SLC19A1: variants seen among roughly 807,000 people sequenced by gnomAD.
SLC19A1 encodes the protein solute carrier family 19 member 1, also known as reduced folate transporter.
Under a neutral mutation model 35.3 loss-of-function variants are expected in SLC19A1, and 37 were observed. The ratio of observed to expected loss-of-function variants is 1.05; its 90% CI spans 0.81 to 1.38. The LOEUF is 1.38. SLC19A1 is among the 40% of genes most tolerant of loss of function. The pLI, the probability that SLC19A1 is intolerant of heterozygous loss-of-function variation, is 0.00. For missense variants in SLC19A1, 831 were observed against 826.9 expected (o/e 1.00, Z -0.06); for synonymous variants, 460 against 398.5 (o/e 1.15, Z -1.84).
chr21:45,511,068 A>AC, downstream of SLC19A1: 1 of 768,286 alleles, frequency 1.3e-6, no homozygotes, highest in Non-Finnish European at 2.0e-6. Context: ...ACCCATCCAC[A>AC]CCCCCACACA....
intron 5 of SLC19A1, among the ~76,000 whole-genome samples, chr21:45,516,456 GC>G (rs1033926830): frequency 1.3e-5 from 2 of 152,250 alleles, no homozygotes; most frequent in South Asian, 4.1e-4. Context: ...GGTGCTTGCT[GC>G]CCCCCCATGG....
chr21:45,505,007 G>A, intron 3 of SLC19A1: 2 of 1,217,486 alleles, frequency 1.6e-6, no homozygotes, highest in Non-Finnish European at 2.3e-6. Context: ...GCGTGGGCAG[G>A]GAGGGGACCG....
At chr21:45,503,048 T>C (rs2036948002) in intron 3 of SLC19A1, 1 of 152,198 alleles carries the variant, frequency 6.6e-6, no homozygotes, top group Non-Finnish European at 1.5e-5. Context: ...CATGTGTCTT[T>C]ATAGCAGCAT....
chr21:45,553,719 CCCTCCCAATCCCCCACA>C (rs2078495702), intron 1 of SLC19A1, among the ~76,000 whole-genome samples: 1 of 10,478 alleles, frequency 9.5e-5, no homozygotes, highest in Non-Finnish European at 1.4e-4. Flanking sequence ...CCCCCACACC[CCCTCCCAATCCCCCACA>C]CCCCCTCCCA....
In SLC19A1 at chr21:45,515,769, G is replaced by T. The variant is rs1289307845; in HGVS notation, c.1665C>A (p.Gly555=). The T allele has an allele frequency of 1.2e-6, 2 of 1,613,618 alleles. No homozygotes were observed. Among genetic ancestry groups the T allele is most frequent in the Admixed American group, 3.3e-5 (2 of 59,998 alleles). ...GACAAGTCTCATCTGCAGCCTCAGG[G>T]CCTGAGGCTTGGGCGGAGCACAGAG... The part of the protein sequence containing the change: ...PCTLCSAQAS[G]PEAADETCPQ... Residue 555 remains glycine, a synonymous_variant, in exon 6 of 6, where the codon GGC becomes GGA. Coordinates refer to ENST00000311124, the MANE Select transcript of SLC19A1 (RefSeq NM_194255.4).
At chr21:45,538,795 C>G (rs1458124353) in intron 1 of SLC19A1, among the ~76,000 whole-genome samples, 1 of 152,186 alleles carries the variant, frequency 6.6e-6, no homozygotes, top group African/African-American at 2.4e-5. Context: ...CATGAGTGGA[C>G]CTGACACGTT....
At position 45,537,789 on chromosome 21, in the gene SLC19A1, C is replaced by T. The variant is rs765827796; in HGVS notation, c.171G>A (p.Lys57=). The T allele has an allele frequency of 6.9e-7, 1 of 1,458,952 alleles. No homozygotes were observed. Among genetic ancestry groups the T allele is most frequent in the Non-Finnish European group, 9.2e-7 (1 of 1,091,466 alleles). The allele number at this position is 1,458,952 out of a possible 1,614,324, so 90.4% of individuals were successfully genotyped here. Residue 57 remains lysine, a synonymous_variant, in exon 2 of 6, where the codon AAG becomes AAA. Coordinates refer to ENST00000311124, the MANE Select transcript of SLC19A1 (RefSeq NM_194255.4). ...CACATGCCTGCTCCCGCGTGAAGTT[C>T]TTGTCGGGCCCCAGGAGGTAGGGGG... is the stretch of plus-strand genomic sequence containing the variant. ...FITPYLLGPD[K]NFTREQVTNE...
At chr21:45,507,456 TGGG>T in intron 3 of SLC19A1, 2 of 1,359,008 alleles carry the variant, frequency 1.5e-6, no homozygotes, top group Non-Finnish European at 2.1e-6. Flanking sequence ...TCCTGTGGGC[TGGG>T]AGGGCCAGGT....
At chr21:45,537,678 C>T in intron 2 of SLC19A1, 93 bp downstream of exon 2, 3 of 1,180,278 alleles carry the variant, frequency 2.5e-6, no homozygotes, top group Non-Finnish European at 3.3e-6. Context: ...CTGGCGGCCG[C>T]CCCCGCATCC....
intron 1 of SLC19A1, among the ~76,000 whole-genome samples, chr21:45,555,356 T>G (rs1160744729): frequency 1.0e-4 from 1 of 9,566 alleles, no homozygotes; most frequent in Non-Finnish European, 1.8e-4. Context: ...GCGCTGCAGG[T>G]GGGGGTGGGG....
At chr21:45,552,617 G>A (rs1301494560) in intron 1 of SLC19A1, among the ~76,000 whole-genome samples, 2 of 152,104 alleles carry the variant, frequency 1.3e-5, no homozygotes, top group Non-Finnish European at 2.9e-5. Flanking sequence ...ACAGCCTCTC[G>A]CCCAGAACAG....
intron 1 of SLC19A1, 120 bp from the exon 2 acceptor site, chr21:45,538,128 G>A (rs893015581): frequency 1.4e-5 from 8 of 576,444 alleles, no homozygotes; most frequent in East Asian, 3.1e-5. Flanking sequence ...CCCTGGAGAC[G>A]AATGCAGACC....
chr21:45,550,258 C>G (rs1218500588), intron 1 of SLC19A1, among the ~76,000 whole-genome samples: 1 of 152,148 alleles, frequency 6.6e-6, no homozygotes, highest in African/African-American at 2.4e-5. Context: ...CGCCTCCTGC[C>G]TGATGAGACC....
rs1328737891 is a variant in SLC19A1, at chr21:45,542,374, C to G, written c.-56G>C. 1 of 151,654 alleles carries G rather than the reference C, an allele frequency of 6.6e-6. No individual in the cohort carries two copies. The highest frequency in any genetic ancestry group is 2.4e-5 in the African/African-American group (1 of 41,380). 9.4% of individuals were successfully genotyped at this position (151,654 alleles called of 1,614,324 possible). ...CCCCGTTCCCCACCGGTACCTGCGA[C>G]TCGGCGGGGCGGCTGCCCTGGGGCT... On this transcript the variant is annotated 5_prime_UTR_variant, in exon 1 of 6. Transcript: ENST00000311124.
At chr21:45,552,549 G>A (rs570709047) in intron 1 of SLC19A1, among the ~76,000 whole-genome samples, 33 of 152,276 alleles carry the variant, frequency 2.2e-4, no homozygotes, top group African/African-American at 6.7e-4. Context: ...CCCGGGTCTC[G>A]GGACCACGTG....
rs17004785 is a variant in SLC19A1, at chr21:45,512,704, G to C, written c.*2954C>G. 48,700 of 455,960 alleles carry C rather than the reference G, an allele frequency of 0.11. 2,813 individuals carry two copies. The highest frequency in any genetic ancestry group is 0.17 in the Admixed American group (4,709 of 27,648). The allele number at this position is 455,960 out of a possible 1,614,324, so 28.2% of individuals were successfully genotyped here. The stretch of plus-strand genomic sequence containing the variant: ...CAACCTCTTGGCCTGATCAGACCAC[G>C]GCTCGATTTCTCCAGGATTTCCTGC... On this transcript the variant is annotated 3_prime_UTR_variant, in exon 6 of 6. Coordinates refer to ENST00000311124, the MANE Select transcript of SLC19A1 (RefSeq NM_194255.4).
At chr21:45,548,846 G>A (rs1379561686), upstream of SLC19A1, among the ~76,000 whole-genome samples, 1 of 152,126 alleles carries the variant, frequency 6.6e-6, no homozygotes, top group African/African-American at 2.4e-5. Flanking sequence ...TTGTCATTAA[G>A]GCCTGAAGTA....
intron 1 of SLC19A1, among the ~76,000 whole-genome samples, chr21:45,555,815 G>T (rs890332592): frequency 2.6e-5 from 4 of 152,112 alleles, no homozygotes; most frequent in Admixed American, 1.3e-4. Flanking sequence ...CGCGGTCCTG[G>T]AGGTGCCGGG....
At chr21:45,546,323 G>C (rs565548692), upstream of SLC19A1, among the ~76,000 whole-genome samples, 1 of 152,374 alleles carries the variant, frequency 6.6e-6, no homozygotes, top group Non-Finnish European at 1.5e-5. Context: ...CCCCAAGTGA[G>C]CGCAGGTCCC....
Sources: allele counts gnomAD v4.1 joint callset (sites outside exome capture counted in the v4.1 genomes callset), GRCh38; gene constraint gnomAD v4.1.1; transcripts MANE v1.5; gene names NCBI Gene and HGNC (gene_info 2026-07-23, HGNC 2026-07-21).